Variants in NT5C1B observed in about 807,000 individuals in gnomAD.
NT5C1B encodes cytosolic 5'-nucleotidase 1B.
NT5C1B carries 44 observed loss-of-function variants against 57.8 expected under a neutral mutation model. That is an observed-to-expected ratio of 0.76 (90% CI 0.60 to 0.98). NT5C1B has a LOEUF of 0.98. Among genes scored for constraint, NT5C1B ranks in the 50% least tolerant of loss-of-function variants. The probability of loss-of-function intolerance (pLI) is 0.00; values close to 1 mark genes in which losing one functional copy is unlikely to be tolerated. For synonymous variants in NT5C1B, 284 were observed against 282.6 expected, an observed-to-expected ratio of 1.00 and a Z score of -0.05; for missense variants, 742 against 719.5, an observed-to-expected ratio of 1.03 and a Z score of -0.36.
intron 1 of NT5C1B, among the ~76,000 whole-genome samples, chr2:18,588,174 A>G (rs1424334796): frequency 2.6e-5 from 4 of 152,336 alleles, no homozygotes; most frequent in African/African-American, 9.6e-5. Context: ...CAAATTAACA[A>G]CAGATAGGGA....
At chr2:18,576,475 A>G (rs1665689252) in intron 7 of NT5C1B, 107 bp from the exon 8 acceptor site, 20 of 1,419,920 alleles carry the variant, frequency 1.4e-5, no homozygotes, top group Admixed American at 1.1e-4. Context: ...CTCTCTAGCT[A>G]TTACCTGATG....
Position 18,584,689 on chromosome 2 carries a change from C to G in NT5C1B, c.548G>C (p.Trp183Ser). 3 of 1,611,958 alleles carry G rather than the reference C, an allele frequency of 1.9e-6. No homozygotes were observed. Among genetic ancestry groups the G allele is most frequent in the Non-Finnish European group, 2.5e-6 (3 of 1,178,722 alleles). Residue 183 changes from tryptophan (W) to serine (S), a missense_variant, in exon 4 of 9, where the codon TGG becomes TCG. Physicochemically the swap from Trp to Ser is radical, Grantham distance 177. Coordinates refer to ENST00000304081, the Ensembl canonical transcript of NT5C1B. This position sits in a 1 kb window ranked among gnomAD's most constrained non-coding sequence, Gnocchi z 5.8. ...CCCCCTGCGCTGGCTGGAGGACTTCCACTCGGTGGGGGACGTGCGCGAATA... is the reference window on the plus strand; with the variant it reads ...CCCCCTGCGCTGGCTGGAGGACTTCGACTCGGTGGGGGACGTGCGCGAATA...
At position 18,581,053 on chromosome 2, in the gene NT5C1B, A is replaced by G. The variant is rs184873166; in HGVS notation, c.1021+1815T>C. Among the ~76,000 whole-genome samples the G allele has an allele frequency of 9.7e-4, 148 of 152,358 alleles. 2 individuals are homozygous for G. The East Asian group carries it at 0.026, about 27-fold the overall frequency. On this transcript the variant is annotated intron_variant, in intron 6 of 8. Coordinates refer to ENST00000304081, the Ensembl canonical transcript of NT5C1B. The stretch of plus-strand genomic sequence containing the variant: ...AACCCTCATGACATGTGATTTAGCC[A>G]TATAACAGTGAATTATCATCATTCA...
At chr2:18,564,624 T>C (rs1664474695) in intron 8 of NT5C1B, among the ~76,000 whole-genome samples, 1 of 152,216 alleles carries the variant, frequency 6.6e-6, no homozygotes, top group African/African-American at 2.4e-5. Context: ...TTGGTTTTAG[T>C]ATCTCTTGTA....
At chr2:18,589,502 C>G in exon 1 of NT5C1B, 5 of 1,613,670 alleles carry the variant, frequency 3.1e-6, no homozygotes, top group Non-Finnish European at 4.2e-6. Flanking sequence ...TGTTGTTATC[C>G]ACATTTTTGT....
exon 1 of NT5C1B, chr2:18,589,541 C>T: frequency 6.2e-7 from 1 of 1,608,080 alleles, no homozygotes; most frequent in Non-Finnish European, 8.5e-7. Flanking sequence ...TGTCACTTCC[C>T]TTGCTCAGTC....
At chr2:18,588,672 T>C (rs1013777040) in intron 1 of NT5C1B, among the ~76,000 whole-genome samples, 1 of 152,192 alleles carries the variant, frequency 6.6e-6, no homozygotes, top group Non-Finnish European at 1.5e-5. Flanking sequence ...ATCCTGGGAC[T>C]ACATTTTCAG....
chr2:18,589,540 C>T lies in NT5C1B; in HGVS notation c.-72G>A, dbSNP rs757989313. Reference sequence around the variant, plus strand: ...CCCCAGCTCCATTTCCTGTCACTTCCCTTGCTCAGTCTAGCTTTGCATTTA... The same window carrying T: ...CCCCAGCTCCATTTCCTGTCACTTCTCTTGCTCAGTCTAGCTTTGCATTTA... On this transcript the variant is annotated 5_prime_UTR_variant, in exon 1 of 9. Transcript: ENST00000304081. 8 of 1,609,220 alleles carry T rather than the reference C, an allele frequency of 5.0e-6. No individual in the cohort carries two copies. In the Admixed American group the frequency reaches 1.0e-4, roughly 20 times the overall value.
intron 8 of NT5C1B, among the ~76,000 whole-genome samples, chr2:18,570,324 T>G (rs1440166469): frequency 6.6e-6 from 1 of 151,948 alleles, no homozygotes; most frequent in African/African-American, 2.4e-5. Flanking sequence ...AAAATTGATT[T>G]ACTTCTGGCC....
At chr2:18,583,980 G>A (rs1666421388) in intron 5 of NT5C1B, 108 bp downstream of exon 5, 2 of 1,591,780 alleles carry the variant, frequency 1.3e-6, no homozygotes, top group Non-Finnish European at 1.7e-6. Context: ...AGAATGACAA[G>A]GGTGGGCTAG....
At chr2:18,567,508 A>T (rs1362816287) in intron 8 of NT5C1B, among the ~76,000 whole-genome samples, 1 of 152,154 alleles carries the variant, frequency 6.6e-6, no homozygotes, top group Admixed American at 6.5e-5. Flanking sequence ...TCTGCAGCAG[A>T]CACACAGGGA....
At chr2:18,569,983 A>T (rs1237347629) in intron 8 of NT5C1B, among the ~76,000 whole-genome samples, 1 of 152,154 alleles carries the variant, frequency 6.6e-6, no homozygotes, top group Non-Finnish European at 1.5e-5. Flanking sequence ...AATTTAAATA[A>T]TTGAGATACA....
chr2:18,564,164 G>A (rs1572289368), intron 8 of NT5C1B, 45 bp from the exon 9 acceptor site: 4 of 1,503,904 alleles, frequency 2.7e-6, no homozygotes, highest in Non-Finnish European at 2.7e-6. Context: ...GTGAGCCAAA[G>A]AAAGTGAATG....
chr2:18,586,882 T>G, intron 2 of NT5C1B: 1 of 1,527,392 alleles, frequency 6.5e-7, no homozygotes, highest in East Asian at 2.4e-5. Flanking sequence ...GAAACAAGAA[T>G]GAAGGACCCC....
chr2:18,581,914 A>T (rs1054288503), intron 6 of NT5C1B, among the ~76,000 whole-genome samples: 2 of 152,238 alleles, frequency 1.3e-5, no homozygotes, highest in Non-Finnish European at 2.9e-5. Flanking sequence ...GTACACAATC[A>T]GTTCATCAGC....
At chr2:18,571,718 G>GTGTGTATATATATA (rs1246189018) in intron 8 of NT5C1B, among the ~76,000 whole-genome samples, 3 of 111,440 alleles carry the variant, frequency 2.7e-5, no homozygotes, top group Admixed American at 1.0e-4. Context: ...CTGTGTGTGT[G>GTGTGTATATATATA]TATATATATA....
intron 3 of NT5C1B, chr2:18,585,219 G>A: frequency 2.6e-6 from 2 of 761,054 alleles, no homozygotes; most frequent in Non-Finnish European, 4.8e-6. Flanking sequence ...CATTTCACAC[G>A]TTTTTATTTG....
chr2:18,580,009 G>A (rs997314793), intron 6 of NT5C1B, among the ~76,000 whole-genome samples: 1 of 152,058 alleles, frequency 6.6e-6, no homozygotes, highest in Non-Finnish European at 1.5e-5. Context: ...AGACATACAT[G>A]CAGCCAACAA....
rs1666759895 is a variant in NT5C1B, at chr2:18,586,888, A to AC, written c.121-498dup. On this transcript the variant is annotated intron_variant, in intron 2 of 8. Coordinates refer to ENST00000304081, the Ensembl canonical transcript of NT5C1B. Reference sequence around the variant, plus strand: ...CTTTTAGGAGAAACAAGAATGAAGGACCCCCCGGAACAGCAAAGTAAAAGA... The same window carrying AC: ...CTTTTAGGAGAAACAAGAATGAAGGACCCCCCCGGAACAGCAAAGTAAAAGA... The AC allele has an allele frequency of 3.9e-6, 6 of 1,538,360 alleles. No homozygotes were observed. In the African/African-American group the frequency reaches 4.1e-5, roughly 11 times the overall value.
Sources: allele counts gnomAD v4.1 joint callset (sites outside exome capture counted in the v4.1 genomes callset), GRCh38; gene constraint gnomAD v4.1.1; non-coding constraint Gnocchi (gnomAD v3.1); transcripts MANE v1.5; gene names NCBI Gene and HGNC (gene_info 2026-07-23, HGNC 2026-07-21).